Variants in B3GALT1 observed in about 807,000 individuals in gnomAD.
B3GALT1 encodes the protein UDP-Gal:betaGlcNAc beta 1,3-galactosyltransferase, polypeptide 1.
In B3GALT1, 10 loss-of-function variants were observed where a neutral mutation model predicts 23.2. That is an observed-to-expected ratio of 0.43 (90% confidence interval 0.27 to 0.73). The LOEUF (loss-of-function observed/expected upper bound fraction) is 0.73, where lower values mean the gene tolerates loss of function less well. B3GALT1 is among the 30% of genes least tolerant of loss of function. The pLI, the probability that B3GALT1 is intolerant of heterozygous loss-of-function variation, is 0.21. For synonymous variants in B3GALT1, 156 were observed against 141.5 expected (o/e 1.10, Z -0.73); for missense variants, 299 against 405.4 (o/e 0.74, Z 2.25).
intron 2 of B3GALT1, among the ~76,000 whole-genome samples, chr2:167,540,208 A>G (rs1336759122): frequency 6.6e-6 from 1 of 152,106 alleles, no homozygotes; most frequent in Non-Finnish European, 1.5e-5. Context: ...TACCAAGACT[A>G]TCTCAACTCC....
chr2:167,830,366 G>A (rs536813882), intron 4 of B3GALT1, among the ~76,000 whole-genome samples: 17 of 146,482 alleles, frequency 1.2e-4, no homozygotes, highest in Admixed American at 7.5e-4. Context: ...GTAGGGATTC[G>A]TTCATACTTA....
chr2:167,514,547 CA>C (rs1282383766), intron 2 of B3GALT1, among the ~76,000 whole-genome samples: 2 of 152,136 alleles, frequency 1.3e-5, no homozygotes, highest in Non-Finnish European at 2.9e-5. Context: ...TTTACAGTCC[CA>C]GCCCCAGCAT....
At chr2:167,588,846 T>C (rs372348818) in intron 2 of B3GALT1, among the ~76,000 whole-genome samples, 37 of 125,046 alleles carry the variant, frequency 3.0e-4, no homozygotes, top group African/African-American at 1.1e-3. Context: ...TCCTTCCTTC[T>C]TTCCTTCCTT....
At chr2:167,681,615 C>T (rs1450465096) in intron 3 of B3GALT1, among the ~76,000 whole-genome samples, 1 of 152,136 alleles carries the variant, frequency 6.6e-6, no homozygotes, top group African/African-American at 2.4e-5. Flanking sequence ...TCACCTTGTT[C>T]GAAAGTAGAG....
At chr2:167,713,149 C>T (rs892128123) in intron 3 of B3GALT1, among the ~76,000 whole-genome samples, 5 of 152,236 alleles carry the variant, frequency 3.3e-5, no homozygotes, top group Admixed American at 6.5e-5. Context: ...GATCTATTTA[C>T]GAACTCTTGT....
intron 1 of B3GALT1, among the ~76,000 whole-genome samples, chr2:167,456,240 G>A (rs1026857991): frequency 2.6e-5 from 4 of 152,084 alleles, no homozygotes; most frequent in Admixed American, 2.0e-4. Flanking sequence ...GTGAGAGAGA[G>A]AGGTAGAGGT....
intron 2 of B3GALT1, among the ~76,000 whole-genome samples, chr2:167,613,110 G>A (rs367651100): frequency 6.6e-6 from 1 of 151,900 alleles, no homozygotes; most frequent in African/African-American, 2.4e-5. Context: ...AGGAAAAAGG[G>A]AGCTAGGGCT....
chr2:167,554,566 C>G (rs754028168), intron 2 of B3GALT1, among the ~76,000 whole-genome samples: 2 of 152,124 alleles, frequency 1.3e-5, no homozygotes, highest in Non-Finnish European at 2.9e-5. Context: ...TCTTCTTTTT[C>G]CTCCCCTTCT....
intron 4 of B3GALT1, among the ~76,000 whole-genome samples, chr2:167,833,005 A>C (rs1286902993): frequency 6.6e-6 from 1 of 152,208 alleles, no homozygotes. Flanking sequence ...TCAATGGAGC[A>C]AAAAGGTTTC....
At chr2:167,454,177 G>A (rs1039517526) in intron 1 of B3GALT1, among the ~76,000 whole-genome samples, 1 of 151,938 alleles carries the variant, frequency 6.6e-6, no homozygotes, top group South Asian at 2.1e-4. Context: ...CCAGTTTTCC[G>A]ATGTAGGTAT....
chr2:167,308,747 ATCT>A (rs1696589013), intron 1 of B3GALT1, among the ~76,000 whole-genome samples: 2 of 151,964 alleles, frequency 1.3e-5, no homozygotes, highest in African/African-American at 4.8e-5. Flanking sequence ...CCTGTACTTA[ATCT>A]TCTCTTTAAA....
At chr2:167,619,477 C>A (rs560098343) in intron 2 of B3GALT1, among the ~76,000 whole-genome samples, 1 of 151,988 alleles carries the variant, frequency 6.6e-6, no homozygotes, top group Admixed American at 6.6e-5. Flanking sequence ...AGTGCCTGAC[C>A]GTAATAGCTA....
At chr2:167,374,313 G>T (rs966420553) in intron 1 of B3GALT1, among the ~76,000 whole-genome samples, 6 of 152,192 alleles carry the variant, frequency 3.9e-5, no homozygotes, top group African/African-American at 1.4e-4. Context: ...GAATAGTTCT[G>T]CGATGAACAT....
chr2:167,372,641 A>C (rs551487186), intron 1 of B3GALT1, among the ~76,000 whole-genome samples: 1 of 152,272 alleles, frequency 6.6e-6, no homozygotes, highest in South Asian at 2.1e-4. Flanking sequence ...GCAAGGTAAC[A>C]GTTGAAAAAT....
Position 167,732,022 on chromosome 2 carries a change from G to GT in B3GALT1, c.-352+85062dup, listed in dbSNP as rs1327559668. On this transcript the variant is annotated intron_variant, in intron 3 of 4. Transcript: ENST00000392690. ...CAGGCTGTACTCACTTGGAAGGGCAGTTTTTTATACACAGTATTACAACCT... is the reference window on the plus strand; with the variant it reads ...CAGGCTGTACTCACTTGGAAGGGCAGTTTTTTTATACACAGTATTACAACCT... 5.3e-5 allele frequency among the ~76,000 whole-genome samples: 8 copies of GT among 152,236 alleles called. No individual in the cohort carries two copies. In the East Asian group the frequency reaches 1.3e-3, roughly 26 times the overall value.
chr2:167,352,509 C>T (rs548131316), intron 1 of B3GALT1, among the ~76,000 whole-genome samples: 1 of 147,596 alleles, frequency 6.8e-6, no homozygotes, highest in African/African-American at 2.5e-5. Flanking sequence ...ATCACAAGGT[C>T]AGATCGAGAC....
intron 2 of B3GALT1, among the ~76,000 whole-genome samples, chr2:167,558,736 G>T (rs554423680): frequency 7.2e-5 from 11 of 152,348 alleles, no homozygotes; most frequent in Admixed American, 3.3e-4. Flanking sequence ...AAACTGCAAG[G>T]TGGCAGCGAG....
intron 3 of B3GALT1, among the ~76,000 whole-genome samples, chr2:167,785,651 A>G (rs1022024533): frequency 6.6e-6 from 1 of 152,222 alleles, no homozygotes; most frequent in African/African-American, 2.4e-5. Flanking sequence ...TCACATAGCT[A>G]ATTGGAACAA....
chr2:167,680,009 A>C (rs1382807211), intron 3 of B3GALT1, among the ~76,000 whole-genome samples: 1 of 152,090 alleles, frequency 6.6e-6, no homozygotes, highest in African/African-American at 2.4e-5. Flanking sequence ...GGTTTTTTCT[A>C]CTTAATAAAC....
Sources: allele counts gnomAD v4.1 joint callset (sites outside exome capture counted in the v4.1 genomes callset), GRCh38; gene constraint gnomAD v4.1.1; transcripts MANE v1.5; gene names NCBI Gene and HGNC (gene_info 2026-07-23, HGNC 2026-07-21).